NDRG2: variants seen among roughly 807,000 people sequenced by gnomAD.
NDRG2 encodes protein NDRG2.
Under a neutral mutation model 58.2 loss-of-function variants are expected in NDRG2, and 34 were observed. That is an observed-to-expected ratio of 0.58 (90% CI 0.44 to 0.78). The LOEUF is 0.78. Ranked by LOEUF, NDRG2 falls within the 30% of genes least tolerant of loss-of-function variation. The probability of loss-of-function intolerance (pLI) is 0.00; values close to 1 mark genes in which losing one functional copy is unlikely to be tolerated. For synonymous variants in NDRG2, 187 were observed against 175.9 expected (o/e 1.06, Z -0.50); for missense variants, 434 against 471.2 (o/e 0.92, Z 0.73).
intron 11 of NDRG2, 89 bp from the exon 12 acceptor site, chr14:21,018,903 G>A: frequency 6.5e-7 from 1 of 1,531,636 alleles, no homozygotes; most frequent in East Asian, 2.3e-5. Flanking sequence ...AAAATATCTG[G>A]CTCCAAAGAG....
rs755156484 is a variant in NDRG2 at position 21,019,760 on chromosome 14, G to T, written c.613-18C>A. ...AGCTCTTCCTGAAGGAGAGAACAAG[G>T]AGAAAAATTAGGGATGGAAAGAGAA... On this transcript the variant is annotated intron_variant, in intron 9 of 15. Transcript: ENST00000556147. 6.3e-7 allele frequency: 1 copy of T among 1,582,134 alleles called. No homozygotes were observed. Among genetic ancestry groups the T allele is most frequent in the South Asian group, 1.1e-5 (1 of 90,088 alleles).
intron 1 of NDRG2, chr14:21,042,555 T>G: frequency 5.3e-6 from 1 of 187,374 alleles, no homozygotes; most frequent in Non-Finnish European, 1.1e-5. Flanking sequence ...GGACTGGATT[T>G]AGGGGAGATG....
Position 21,034,562 on chromosome 14 carries a change from T to C in NDRG2, c.25-11241A>G, listed in dbSNP as rs1172840858. On this transcript the variant is annotated intron_variant, in intron 1 of 14. Coordinates refer to the NDRG2 transcript ENST00000403829. Reference sequence around the variant, plus strand: ...ACATTTGCAGAATAAGAGCTCTAACTGGTCCTTGGGTGAGAGACTCTTCCC... The same window carrying C: ...ACATTTGCAGAATAAGAGCTCTAACCGGTCCTTGGGTGAGAGACTCTTCCC... 4 of 424,580 alleles carry C rather than the reference T, an allele frequency of 9.4e-6. No individual in the cohort carries two copies. In the Admixed American group the frequency reaches 1.6e-4, roughly 17 times the overall value. 26.3% of individuals were successfully genotyped at this position (424,580 alleles called of 1,614,324 possible). A position where few individuals can be genotyped will look rare whatever the true frequency, so the allele number is the denominator to read the frequency against.
Position 21,020,530 on chromosome 14 carries a change from T to A in NDRG2, c.521A>T (p.Asn174Ile). ...TGCCCAATCCATCCAACCCTTGGCA[T>A]TGGGATCAATGTTGATGAGGACAAG... Reference protein sequence around the residue: ...EGLVLINIDPNAKGWMDWAAH... With the variant: ...EGLVLINIDPIAKGWMDWAAH... The change falls in exon 8 of 16, where the codon AAT becomes ATT. Residue 174 changes from asparagine (N) to isoleucine (I), a missense_variant. Coordinates refer to ENST00000556147, the MANE Select transcript of NDRG2 (RefSeq NM_001320329.2). 6.2e-7 allele frequency: 1 copy of A among 1,613,686 alleles called. No individual in the cohort carries two copies. The highest frequency in any genetic ancestry group is 8.5e-7 in the Non-Finnish European group (1 of 1,179,892).
At chr14:21,037,713 G>T (rs1238084386) in intron 1 of NDRG2, among the ~76,000 whole-genome samples, 1 of 152,204 alleles carries the variant, frequency 6.6e-6, no homozygotes, top group Non-Finnish European at 1.5e-5. Flanking sequence ...TTAAAAAAAT[G>T]ATAAACATCT....
chr14:21,019,482 A>G (rs977954840), intron 10 of NDRG2, 157 bp downstream of exon 10: 1 of 621,178 alleles, frequency 1.6e-6, no homozygotes, highest in African/African-American at 1.8e-5. Context: ...CTTCCCACTG[A>G]CTCTGTCCTG....
Position 21,024,666 on chromosome 14 carries a change from C to T in NDRG2, c.-643G>A, listed in dbSNP as rs1302265746. Reference sequence around the variant, plus strand: ...CGGTCCCACAATCTTCTCCCGTTCTCCCCCGACGGCCCGCGAAGGCAAGCG... The same window carrying T: ...CGGTCCCACAATCTTCTCCCGTTCTTCCCCGACGGCCCGCGAAGGCAAGCG... On this transcript the variant is annotated 5_prime_UTR_variant, in exon 1 of 16. Transcript: ENST00000556147. 2 of 985,376 alleles carry T rather than the reference C, an allele frequency of 2.0e-6. No homozygotes were observed. Among genetic ancestry groups the T allele is most frequent in the African/African-American group, 3.5e-5 (2 of 57,248 alleles). 61.0% of individuals were successfully genotyped at this position (985,376 alleles called of 1,614,324 possible).
intron 1 of NDRG2, chr14:21,030,909 T>C (rs1884056793): frequency 2.0e-6 from 3 of 1,523,690 alleles, no homozygotes; most frequent in Non-Finnish European, 8.9e-7. Flanking sequence ...CACTCACTGA[T>C]TGATAGGACA....
intron 1 of NDRG2, among the ~76,000 whole-genome samples, chr14:21,068,039 G>T (rs868629222): frequency 3.1e-4 from 3 of 9,624 alleles, no homozygotes; most frequent in African/African-American, 4.5e-4. Flanking sequence ...TCGCTCTGTC[G>T]CCCAGGCTGG....
At chr14:21,044,947 C>T (rs1231906582) in intron 1 of NDRG2, among the ~76,000 whole-genome samples, 3 of 152,154 alleles carry the variant, frequency 2.0e-5, no homozygotes, top group Non-Finnish European at 2.9e-5. Flanking sequence ...TACATGACCT[C>T]GAACAATTGG....
chr14:21,035,478 G>A (rs549143321), intron 1 of NDRG2, among the ~76,000 whole-genome samples: 1 of 152,334 alleles, frequency 6.6e-6, no homozygotes, highest in African/African-American at 2.4e-5. Context: ...CCTGGAAACT[G>A]CTAGCTCTTG....
At chr14:21,057,354 T>C (rs1885719167) in intron 1 of NDRG2, among the ~76,000 whole-genome samples, 1 of 151,718 alleles carries the variant, frequency 6.6e-6, no homozygotes, top group Non-Finnish European at 1.5e-5. Context: ...GAGAATTGCT[T>C]GAACCTGGGA....
At chr14:21,062,983 A>G (rs1886048345) in intron 1 of NDRG2, among the ~76,000 whole-genome samples, 1 of 150,946 alleles carries the variant, frequency 6.6e-6, no homozygotes, top group African/African-American at 2.4e-5. Context: ...TTAATTAGCC[A>G]GGTGTAGGGG....
chr14:21,035,248 A>G (rs1288570285), intron 1 of NDRG2, among the ~76,000 whole-genome samples: 1 of 152,222 alleles, frequency 6.6e-6, no homozygotes, highest in Non-Finnish European at 1.5e-5. Context: ...GAGTTTGAGC[A>G]CTACTGGAAA....
chr14:21,037,273 C>T (rs2139101685), intron 1 of NDRG2, among the ~76,000 whole-genome samples: 1 of 152,326 alleles, frequency 6.6e-6, no homozygotes, highest in Middle Eastern at 3.4e-3. Context: ...AAATCCTGTC[C>T]TAGAGGTGCT....
At chr14:21,067,730 G>A (rs1028711002) in intron 1 of NDRG2, among the ~76,000 whole-genome samples, 2 of 148,098 alleles carry the variant, frequency 1.4e-5, no homozygotes, top group African/African-American at 2.5e-5. Context: ...AAAAACACAC[G>A]TATCAACACA....
intron 1 of NDRG2, among the ~76,000 whole-genome samples, chr14:21,068,507 C>T (rs947807631): frequency 6.6e-6 from 1 of 152,118 alleles, no homozygotes; most frequent in African/African-American, 2.4e-5. Flanking sequence ...AAGGTTCAGA[C>T]ACTCTCAACA....
At chr14:21,017,850 C>T in intron 15 of NDRG2, 88 bp from the exon 16 acceptor site, 1 of 1,599,782 alleles carries the variant, frequency 6.3e-7, no homozygotes, top group Non-Finnish European at 8.5e-7. Flanking sequence ...GGATTATGGA[C>T]TAGTTATAAC....
intron 1 of NDRG2, among the ~76,000 whole-genome samples, chr14:21,056,969 C>T (rs1185399144): frequency 6.6e-6 from 1 of 152,206 alleles, no homozygotes; most frequent in Non-Finnish European, 1.5e-5. Flanking sequence ...ACAGCTGGAG[C>T]TGCGATCCCT....
Sources: allele counts gnomAD v4.1 joint callset (sites outside exome capture counted in the v4.1 genomes callset), GRCh38; gene constraint gnomAD v4.1.1; transcripts MANE v1.5; gene names NCBI Gene and HGNC (gene_info 2026-07-23, HGNC 2026-07-21).